The following TNN variants were observed in gnomAD, a reference collection of about 807,000 sequenced individuals.
The protein encoded by TNN is tenascin-N.
In TNN, 122 loss-of-function variants were observed where a neutral mutation model predicts 134.4. The observed-to-expected ratio is 0.91, with a 90% confidence interval of 0.78 to 1.06. The LOEUF (loss-of-function observed/expected upper bound fraction) is 1.06. TNN is among the 50% of genes least tolerant of loss of function. The pLI is 0.00. For synonymous variants in TNN, 710 were observed against 670.3 expected (o/e 1.06, Z -0.91); for missense variants, 1,739 against 1,699.4 (o/e 1.02, Z -0.41).
chr1:175,124,096 T>C (rs1362936122), intron 12 of TNN, among the ~76,000 whole-genome samples: 2 of 152,178 alleles, frequency 1.3e-5, no homozygotes, highest in African/African-American at 2.4e-5. Context: ...GTGTGTGTGA[T>C]GGGGCCTCTG....
At chr1:175,094,540 A>G (rs1674524742) in intron 7 of TNN, among the ~76,000 whole-genome samples, 1 of 152,168 alleles carries the variant, frequency 6.6e-6, no homozygotes, top group Non-Finnish European at 1.5e-5. Flanking sequence ...TTCATTTTTT[A>G]GATGTGAAAA....
At chr1:175,113,594 C>G (rs986472728) in intron 9 of TNN, among the ~76,000 whole-genome samples, 3 of 152,182 alleles carry the variant, frequency 2.0e-5, no homozygotes, top group Non-Finnish European at 4.4e-5. Flanking sequence ...TCTGAATATT[C>G]ATATCTCTCC....
In TNN at chr1:175,093,974, A is replaced by T. The variant is rs1430993531; in HGVS notation, c.1325-16A>T. 1 of 1,578,688 alleles carries T rather than the reference A, an allele frequency of 6.3e-7. No individual in the cohort carries two copies. On this transcript the variant is annotated splice_polypyrimidine_tract_variant and intron_variant, in intron 6 of 18. Transcript: ENST00000239462. ...CTGGTTTCTCTGATTTTTCTTTCTC[A>T]TGTGTTTTTATGAAGAAATTGACAG...
intron 12 of TNN, among the ~76,000 whole-genome samples, chr1:175,125,011 A>T (rs1675472194): frequency 6.6e-6 from 1 of 152,240 alleles, no homozygotes; most frequent in Non-Finnish European, 1.5e-5. Flanking sequence ...GGGCAGTCAA[A>T]GAGGTGGCAG....
chr1:175,132,493 T>A (rs1675700598), intron 15 of TNN, among the ~76,000 whole-genome samples: 1 of 152,218 alleles, frequency 6.6e-6, no homozygotes, highest in Admixed American at 6.5e-5. Flanking sequence ...GATGGATACT[T>A]GAGCAAAGGG....
chr1:175,117,009 G>T lies in TNN; in HGVS notation c.2190G>T (p.Pro730=), dbSNP rs755161803. 1 of 1,614,170 alleles carries T rather than the reference G, an allele frequency of 6.2e-7. No individual in the cohort carries two copies. Among genetic ancestry groups the T allele is most frequent in the Non-Finnish European group, 8.5e-7 (1 of 1,180,030 alleles). Residue 730 remains proline (P), a synonymous_variant, in exon 10 of 19, where the codon CCG becomes CCT. Coordinates refer to ENST00000239462, the MANE Select transcript of TNN (RefSeq NM_022093.2). ...ATATGGCCACTGTCTCCTGGGACCC[G>T]GTGCGGGCCACCATTGACAGGTATG... ...TENMATVSWD[P]VRATIDRYVV... is the part of the protein sequence containing the mutation.
At chr1:175,068,195 C>T (rs551839038) in intron 1 of TNN, among the ~76,000 whole-genome samples, 3 of 152,246 alleles carry the variant, frequency 2.0e-5, no homozygotes, top group South Asian at 2.1e-4. Context: ...AACACAGATG[C>T]GTCTGTGTTG....
chr1:175,077,787 G>A lies in TNN; in HGVS notation c.369G>A (p.Lys123=), dbSNP rs757503526. ...KKLEEEMVEM[K]EQCSAQRCCQ... Reference sequence around the variant, plus strand: ...TGGAGGAAGAGATGGTGGAGATGAAGGAACAGTGTAGTGCCCAGCGCTGCT... The same window carrying A: ...TGGAGGAAGAGATGGTGGAGATGAAAGAACAGTGTAGTGCCCAGCGCTGCT... The change falls in exon 2 of 19, where the codon AAG becomes AAA. Residue 123 remains lysine (K), a synonymous_variant. Transcript: ENST00000239462. 6.2e-7 allele frequency: 1 copy of A among 1,614,218 alleles called. No homozygotes were observed.
At chr1:175,109,250 G>A (rs556469345) in intron 9 of TNN, among the ~76,000 whole-genome samples, 18 of 147,004 alleles carry the variant, frequency 1.2e-4, no homozygotes, top group African/African-American at 1.0e-4. Context: ...CACCGCGCCC[G>A]GCTAATTTTT....
intron 9 of TNN, among the ~76,000 whole-genome samples, chr1:175,107,166 CGTG>C (rs2149435784): frequency 6.8e-6 from 1 of 146,460 alleles, no homozygotes; most frequent in Non-Finnish European, 1.5e-5. Flanking sequence ...CGCAAACCCT[CGTG>C]GTGAGTGTTA....
intron 17 of TNN, among the ~76,000 whole-genome samples, chr1:175,140,621 T>C (rs967148174): frequency 2.9e-4 from 44 of 152,352 alleles, no homozygotes; most frequent in African/African-American, 1.1e-3. Context: ...TCTGTTTGCA[T>C]GTTAACTGCA....
intron 9 of TNN, among the ~76,000 whole-genome samples, chr1:175,109,818 G>A (rs1008323695): frequency 1.3e-5 from 2 of 151,920 alleles, no homozygotes; most frequent in Non-Finnish European, 2.9e-5. Context: ...GTAAACATGG[G>A]CATGCAGCTA....
In TNN at chr1:175,128,136, C is replaced by T. The variant is rs757566890; in HGVS notation, c.3150C>T (p.Ser1050=). ...SLVAFKGGRR[S]RNVSTTLSTV... is the part of the protein sequence containing the mutation. ...TTGCCTTTAAGGGTGGTCGCCGGAG[C>T]AGAAATGTATCCACCACCCTCTCCA... The change falls in exon 14 of 19, where the codon AGC becomes AGT. Residue 1050 remains serine (S), a synonymous_variant. Transcript: ENST00000239462. 6.2e-7 allele frequency: 1 copy of T among 1,610,838 alleles called. No individual in the cohort carries two copies. The highest frequency in any genetic ancestry group is 1.7e-5 in the Admixed American group (1 of 59,596).
At chr1:175,117,475 A>C (rs1675216888) in intron 10 of TNN, among the ~76,000 whole-genome samples, 1 of 152,180 alleles carries the variant, frequency 6.6e-6, no homozygotes, top group South Asian at 2.1e-4. Context: ...TGCTGTAGAC[A>C]GTATCGAGGG....
intron 18 of TNN, 67 bp downstream of exon 18, chr1:175,144,617 C>A: frequency 6.6e-7 from 1 of 1,516,616 alleles, no homozygotes; most frequent in Non-Finnish European, 8.9e-7. Flanking sequence ...AATGGACACC[C>A]TCCAGGCCAG....
chr1:175,089,551 G>A (rs1238803751), intron 6 of TNN, among the ~76,000 whole-genome samples: 1 of 152,224 alleles, frequency 6.6e-6, no homozygotes, highest in Non-Finnish European at 1.5e-5. Flanking sequence ...AAAAGAAAGG[G>A]AGGCTACTAA....
At chr1:175,123,732 G>A in intron 12 of TNN, 69 bp downstream of exon 12, 1 of 1,592,892 alleles carries the variant, frequency 6.3e-7, no homozygotes, top group Non-Finnish European at 8.5e-7. Flanking sequence ...CCATCAGTGG[G>A]CTGGGGAGGG....
At chr1:175,082,001 A>C (rs1674206894) in intron 4 of TNN, among the ~76,000 whole-genome samples, 1 of 152,146 alleles carries the variant, frequency 6.6e-6, no homozygotes, top group South Asian at 2.1e-4. Context: ...TTCAGAGTTG[A>C]TCATGGAAGT....
chr1:175,074,914 C>T (rs1006116058), intron 1 of TNN, among the ~76,000 whole-genome samples: 1 of 152,254 alleles, frequency 6.6e-6, no homozygotes, highest in African/African-American at 2.4e-5. Context: ...CGTTTGAATC[C>T]TGGCTCTGCC....
Sources: allele counts gnomAD v4.1 joint callset (sites outside exome capture counted in the v4.1 genomes callset), GRCh38; gene constraint gnomAD v4.1.1; transcripts MANE v1.5; gene names NCBI Gene and HGNC (gene_info 2026-07-23, HGNC 2026-07-21).